Variants in NAA80 observed in about 807,000 individuals in gnomAD.
NAA80 encodes the protein N-alpha-acetyltransferase 80, NatH catalytic subunit, also known as N-alpha-acetyltransferase 80.
A neutral mutation model predicts 8.7 loss-of-function variants in NAA80; 5 were observed. That is an observed-to-expected ratio of 0.58 (90% CI 0.30 to 1.21). The LOEUF (loss-of-function observed/expected upper bound fraction) is 1.21, where lower values mean the gene tolerates loss of function less well. Ranked by LOEUF, NAA80 falls within the 50% of genes most tolerant of loss-of-function variation. NAA80 has a pLI of 0.07. For missense variants in NAA80, 360 were observed against 368.6 expected (o/e 0.98, Z 0.19); for synonymous variants, 149 against 156.6 (o/e 0.95, Z 0.36).
At position 50,297,371 on chromosome 3, in the gene NAA80, C is replaced by A. The variant is rs376015708; in HGVS notation, c.93G>T (p.Glu31Asp). ...KLPLDSTCQP[E>D]MTFNPGPTEL... ...CAGTTGGACCAGGATTGAAGGTCAT[C>A]TCTGGTTGGCATGTGGAATCCAGGG... is the stretch of plus-strand genomic sequence containing the variant. Residue 31 changes from glutamate to aspartate, a missense_variant, in exon 2 of 2, where the codon GAG becomes GAT. Physicochemically the swap from Glu to Asp is conservative, Grantham distance 45 (BLOSUM62 2). Coordinates refer to ENST00000443094, the MANE Select transcript of NAA80 (RefSeq NM_001200016.2). This position sits in a 1 kb window ranked among gnomAD's most constrained non-coding sequence, Gnocchi z 4.3. 2.0e-5 allele frequency: 32 copies of A among 1,613,282 alleles called. 1 individual carries two copies. In the African/African-American group the frequency reaches 4.0e-4, roughly 20 times the overall value.
chr3:50,299,132 G>A, intron 1 of NAA80, 81 bp downstream of exon 1: 1 of 1,613,110 alleles, frequency 6.2e-7, no homozygotes, highest in African/African-American at 1.3e-5. Flanking sequence ...CGGGGAGGGC[G>A]TGCAGGGTGG....
chr3:50,297,752 G>T lies in NAA80; in HGVS notation c.-209-80C>A. The stretch of plus-strand genomic sequence containing the variant: ...GGGAAGGGCTGACAGAGTGCAGGGG[G>T]GACCATGCATACTGGAACTGGGGAG... On this transcript the variant is annotated intron_variant, in intron 1 of 1. Coordinates refer to ENST00000443094, the MANE Select transcript of NAA80 (RefSeq NM_001200016.2). This position sits in a 1 kb window ranked among gnomAD's most constrained non-coding sequence, Gnocchi z 4.3. The T allele has an allele frequency of 7.7e-7, 1 of 1,302,112 alleles. No individual in the cohort carries two copies. Among genetic ancestry groups the T allele is most frequent in the Non-Finnish European group, 9.7e-7 (1 of 1,028,010 alleles). 80.7% of individuals were successfully genotyped at this position (1,302,112 alleles called of 1,614,324 possible). A position where few individuals can be genotyped will look rare whatever the true frequency, so the allele number is the denominator to read the frequency against.
In NAA80 at chr3:50,296,584, T is replaced by C. The variant is rs1429391268; in HGVS notation, c.*19A>G. ...GCAGTCTATTGAACCAGAAAGACAG[T>C]TCCTTGCCCTGGATGGCCTCAGATG... On this transcript the variant is annotated 3_prime_UTR_variant, in exon 2 of 2. Transcript: ENST00000443094. 2 of 1,612,136 alleles carry C rather than the reference T, an allele frequency of 1.2e-6. No individual in the cohort carries two copies. The highest frequency in any genetic ancestry group is 3.4e-4 in the Middle Eastern group (2 of 5,832).
rs200439690 is a variant in NAA80 at position 50,296,844 on chromosome 3, G to A, written c.620C>T (p.Thr207Ile). The change falls in exon 2 of 2, where the codon ACC (threonine) becomes ATC (isoleucine). Residue 207 changes from threonine (T) to isoleucine (I), a missense_variant. Coordinates refer to ENST00000443094, the MANE Select transcript of NAA80 (RefSeq NM_001200016.2). The part of the protein sequence containing the change: ...LVFTSRRLPA[T>I]LLNAFPTAPS... Reference sequence around the variant, plus strand: ...GGCTGTGGGGAAGGCATTAAGCAGGGTGGCAGGCAGCCGTCTGCTGGTGAA... The same window carrying A: ...GGCTGTGGGGAAGGCATTAAGCAGGATGGCAGGCAGCCGTCTGCTGGTGAA... 31 of 1,587,878 alleles carry A rather than the reference G, an allele frequency of 2.0e-5. No homozygotes were observed. The highest frequency in any genetic ancestry group is 2.7e-5 in the Non-Finnish European group (31 of 1,168,386).
At chr3:50,299,101 T>A (rs1256072354) in intron 1 of NAA80, 112 bp downstream of exon 1, 1 of 1,603,438 alleles carries the variant, frequency 6.2e-7, no homozygotes, top group East Asian at 2.3e-5. Context: ...CTCGGCATGG[T>A]CTGGAAACGA....
chr3:50,296,518 C>CTG lies in NAA80; in HGVS notation c.*83_*84dup. 2.0e-6 allele frequency: 3 copies of CTG among 1,484,826 alleles called. No individual in the cohort carries two copies. The highest frequency in any genetic ancestry group is 9.2e-7 in the Non-Finnish European group (1 of 1,085,820). The allele number at this position is 1,484,826 out of a possible 1,614,324, so 92.0% of individuals were successfully genotyped here. The stretch of plus-strand genomic sequence containing the variant: ...AAAGCTGCCCCCCAGGGGCTAGGGG[C>CTG]TGAGGTATGGTCAGTGGGCTGAGGC... On this transcript the variant is annotated 3_prime_UTR_variant, in exon 2 of 2. Coordinates refer to ENST00000443094, the MANE Select transcript of NAA80 (RefSeq NM_001200016.2).
At position 50,299,213 on chromosome 3, in the gene NAA80, A is replaced by C. The variant is rs782539688; in HGVS notation, c.-210T>G. On this transcript the variant is annotated splice_region_variant and 5_prime_UTR_variant, in exon 1 of 2. The change abolishes an upstream ATG in the 5' untranslated region. Transcript: ENST00000443094. ...CAAATGGGAAGGGTGCGGTACTGAC[A>C]TGTTGATGCTGGCCTCTGGGATGTT... is the stretch of plus-strand genomic sequence containing the variant. 1.2e-6 allele frequency: 2 copies of C among 1,614,128 alleles called. No individual in the cohort carries two copies. Among genetic ancestry groups the C allele is most frequent in the Non-Finnish European group, 1.7e-6 (2 of 1,179,998 alleles).
chr3:50,299,101 T>G, intron 1 of NAA80, 112 bp downstream of exon 1: 20 of 1,603,556 alleles, frequency 1.2e-5, no homozygotes, highest in East Asian at 4.5e-5. Context: ...CTCGGCATGG[T>G]CTGGAAACGA....
rs782033034 is a variant in NAA80, at chr3:50,297,098, G to A, written c.366C>T (p.Gly122=). 2 of 1,548,608 alleles carry A rather than the reference G, an allele frequency of 1.3e-6. No homozygotes were observed. The highest frequency in any genetic ancestry group is 1.2e-5 in the South Asian group (1 of 81,138). ...PTLEAAPVVV[G]HARLSRVLNQ... is the part of the protein sequence containing the mutation. Reference sequence around the variant, plus strand: ...TCAGCACCCGTGACAGGCGGGCATGGCCCACCACAACGGGTGCTGCTTCAA... The same window carrying A: ...TCAGCACCCGTGACAGGCGGGCATGACCCACCACAACGGGTGCTGCTTCAA... Residue 122 remains glycine (G), a synonymous_variant, in exon 2 of 2, where the codon GGC becomes GGT. Transcript: ENST00000443094. This position sits in a 1 kb window ranked among gnomAD's most constrained non-coding sequence, Gnocchi z 4.3.
chr3:50,296,653 ATT>A lies in NAA80; in HGVS notation c.809_810del (p.Gln270LeufsTer42). The stretch of plus-strand genomic sequence containing the variant: ...ATGGGGCGCCCCCTCACATTTTGAT[ATT>A]GTGTCTCCAGCAGGCTTTTTGAAGG... ...GPPSKSLLET[Q>X]YQNVRGRPIF... On this transcript the variant is annotated frameshift_variant, in exon 2 of 2. Transcript: ENST00000443094. LOFTEE classifies it high-confidence loss of function. The A allele has an allele frequency of 6.2e-7, 1 of 1,613,050 alleles. No individual in the cohort carries two copies.
rs1575502144 is a variant in NAA80, at chr3:50,297,072, T to C, written c.392A>G (p.Asn131Ser). The C allele has an allele frequency of 1.3e-6, 2 of 1,538,386 alleles. No homozygotes were observed. The highest frequency in any genetic ancestry group is 2.5e-5 in the South Asian group (2 of 79,160). The stretch of plus-strand genomic sequence containing the variant: ...CTCCACTAAGAGGCTCTGGGGCTGG[T>C]TCAGCACCCGTGACAGGCGGGCATG... ...VGHARLSRVL[N>S]QPQSLLVETV... Residue 131 changes from asparagine (N) to serine (S), a missense_variant, in exon 2 of 2, where the codon AAC (asparagine) becomes AGC (serine). Coordinates refer to ENST00000443094, the MANE Select transcript of NAA80 (RefSeq NM_001200016.2). This position sits in a 1 kb window ranked among gnomAD's most constrained non-coding sequence, Gnocchi z 4.3.
intron 1 of NAA80, 38 bp downstream of exon 1, chr3:50,299,175 G>A (rs782522745): frequency 1.2e-6 from 2 of 1,613,970 alleles, no homozygotes; most frequent in Non-Finnish European, 1.7e-6. Flanking sequence ...GCGCGGGGTG[G>A]ACCTACAGGC....
At position 50,297,173 on chromosome 3, in the gene NAA80, G is replaced by A; in HGVS notation, c.291C>T (p.Ser97=). The change falls in exon 2 of 2, where the codon TCC becomes TCT. Residue 97 remains serine (S), a synonymous_variant. Coordinates refer to ENST00000443094, the MANE Select transcript of NAA80 (RefSeq NM_001200016.2). This position sits in a 1 kb window ranked among gnomAD's most constrained non-coding sequence, Gnocchi z 4.3. The part of the protein sequence containing the change: ...RTSRLHSLGQ[S]SDAFPLCLML... Reference sequence around the variant, plus strand: ...TCAGGCAGAGGGGGAAGGCATCTGAGGACTGGCCCAGGGAGTGCAGGCGGG... The same window carrying A: ...TCAGGCAGAGGGGGAAGGCATCTGAAGACTGGCCCAGGGAGTGCAGGCGGG... 1 of 1,608,452 alleles carries A rather than the reference G, an allele frequency of 6.2e-7. No homozygotes were observed. Among genetic ancestry groups the A allele is most frequent in the Non-Finnish European group, 8.5e-7 (1 of 1,176,586 alleles).
Position 50,297,377 on chromosome 3 carries a change from T to G in NAA80, c.87A>C (p.Gln29His). The G allele has an allele frequency of 6.2e-7, 1 of 1,613,338 alleles. No homozygotes were observed. Among genetic ancestry groups the G allele is most frequent in the Non-Finnish European group, 8.5e-7 (1 of 1,179,668 alleles). The change falls in exon 2 of 2, where the codon CAA becomes CAC. Residue 29 changes from glutamine to histidine, a missense_variant. Coordinates refer to ENST00000443094, the MANE Select transcript of NAA80 (RefSeq NM_001200016.2). This position sits in a 1 kb window ranked among gnomAD's most constrained non-coding sequence, Gnocchi z 4.3. The stretch of plus-strand genomic sequence containing the variant: ...GACCAGGATTGAAGGTCATCTCTGG[T>G]TGGCATGTGGAATCCAGGGGCAGCT... ...QPKLPLDSTC[Q>H]PEMTFNPGPT...
At position 50,297,357 on chromosome 3, in the gene NAA80, G is replaced by A. The variant is rs1238907832; in HGVS notation, c.107C>T (p.Pro36Leu). The change falls in exon 2 of 2, where the codon CCT becomes CTT. Residue 36 changes from proline to leucine, a missense_variant. Pro to Leu is a moderately conservative substitution (Grantham distance 98). Coordinates refer to ENST00000443094, the MANE Select transcript of NAA80 (RefSeq NM_001200016.2). This position sits in a 1 kb window ranked among gnomAD's most constrained non-coding sequence, Gnocchi z 4.3. ...STCQPEMTFN[P>L]GPTELTLDPE... is the part of the protein sequence containing the mutation. The stretch of plus-strand genomic sequence containing the variant: ...ATCCAGGGTAAGCTCAGTTGGACCA[G>A]GATTGAAGGTCATCTCTGGTTGGCA... The A allele has an allele frequency of 3.1e-6, 5 of 1,612,616 alleles. No homozygotes were observed. The East Asian group carries it at 8.9e-5, about 29-fold the overall frequency.
At position 50,297,042 on chromosome 3, in the gene NAA80, ACT is replaced by A; in HGVS notation, c.420_421del (p.Val141GlyfsTer37). The A allele has an allele frequency of 1.3e-6, 2 of 1,537,302 alleles. No homozygotes were observed. Among genetic ancestry groups the A allele is most frequent in the Non-Finnish European group, 1.7e-6 (2 of 1,145,236 alleles). On this transcript the variant is annotated frameshift_variant, in exon 2 of 2. Coordinates refer to ENST00000443094, the MANE Select transcript of NAA80 (RefSeq NM_001200016.2). LOFTEE classifies it high-confidence loss of function. The surrounding 1 kb of genome is among the most constrained non-coding windows in gnomAD (Gnocchi z 4.3). The stretch of plus-strand genomic sequence containing the variant: ...GCCCCTCAGGGCCCGGGCCACCACC[ACT>A]GTCTCCACTAAGAGGCTCTGGGGCT...
At chr3:50,298,884 G>A (rs782530073) in intron 1 of NAA80, 14 of 1,315,200 alleles carry the variant, frequency 1.1e-5, no homozygotes, top group Non-Finnish European at 1.4e-5. Flanking sequence ...CCCAGGATCC[G>A]CCCCTAGGGC....
rs2285044 is a variant in NAA80 at position 50,299,230 on chromosome 3, T to C, written c.-227A>G. The C allele has an allele frequency of 0.043, 69,584 of 1,614,042 alleles. 13,010 individuals carry two copies. In the East Asian group the frequency reaches 0.54, roughly 13 times the overall value. ...GTACTGACATGTTGATGCTGGCCTC[T>C]GGGATGTTCCGCGTCCTAGCTCCGC... On this transcript the variant is annotated 5_prime_UTR_variant, in exon 1 of 2. Coordinates refer to ENST00000443094, the MANE Select transcript of NAA80 (RefSeq NM_001200016.2).
At chr3:50,298,206 G>A (rs1318690075) in intron 1 of NAA80, 6 of 663,514 alleles carry the variant, frequency 9.0e-6, no homozygotes, top group East Asian at 1.4e-4. Context: ...CCTATGTTCC[G>A]AGTCTCCTCC....
Sources: gnomAD v4.1 joint callset for allele counts on GRCh38, gnomAD v4.1.1 for gene constraint, Gnocchi (gnomAD v3.1) non-coding constraint, MANE v1.5 for transcripts, NCBI Gene and HGNC (gene_info 2026-07-23, HGNC 2026-07-21) for gene names.